The following NKAIN2 variants were observed in gnomAD, a reference collection of about 807,000 sequenced individuals.
NKAIN2 encodes sodium/potassium transporting ATPase interacting 2.
Under a neutral mutation model 32.6 loss-of-function variants are expected in NKAIN2, and 14 were observed. The observed-to-expected ratio is 0.43, with a 90% CI of 0.28 to 0.67. NKAIN2 has a LOEUF of 0.67. Among genes scored for constraint, NKAIN2 ranks in the 30% least tolerant of loss-of-function variants. The pLI, the probability that NKAIN2 is intolerant of heterozygous loss-of-function variation, is 0.17. For synonymous variants in NKAIN2, 80 were observed against 87.2 expected (o/e 0.92, Z 0.46); for missense variants, 198 against 258.3 (o/e 0.77, Z 1.60).
intron 2 of NKAIN2, among the ~76,000 whole-genome samples, chr6:124,290,075 A>G (rs1795732144): frequency 6.6e-6 from 1 of 152,158 alleles, no homozygotes; most frequent in African/African-American, 2.4e-5. Flanking sequence ...CATCATTACA[A>G]GTTTAATGGA....
chr6:124,305,774 G>C (rs1002942691), intron 2 of NKAIN2, among the ~76,000 whole-genome samples: 9 of 151,968 alleles, frequency 5.9e-5, no homozygotes, highest in Non-Finnish European at 7.4e-5. Context: ...ACTTATTTCT[G>C]GTCCATTTGG....
intron 3 of NKAIN2, among the ~76,000 whole-genome samples, chr6:124,544,866 C>A (rs536708979): frequency 5.3e-5 from 8 of 152,078 alleles, no homozygotes; most frequent in Admixed American, 5.2e-4. Context: ...TAGAACTTCC[C>A]CGGAAAATTT....
At chr6:124,011,065 G>A (rs141052442) in intron 1 of NKAIN2, among the ~76,000 whole-genome samples, 167 of 152,140 alleles carry the variant, frequency 1.1e-3, no homozygotes, top group African/African-American at 3.8e-3. Flanking sequence ...CTGCTCATAA[G>A]ATTCTATAGA....
chr6:124,388,440 T>C (rs1773005911), intron 3 of NKAIN2, among the ~76,000 whole-genome samples: 1 of 150,820 alleles, frequency 6.6e-6, no homozygotes, highest in Non-Finnish European at 1.5e-5. Context: ...GGACTGGTAA[T>C]GCTGATGCTG....
In NKAIN2 at chr6:124,143,318, G is replaced by A. The variant is rs183379869; in HGVS notation, c.55-139687G>A. ...ACAGAAAAATTTTAACAAGTGGCAA[G>A]GCATAGTGTGCACACACCTGTGGTC... On this transcript the variant is annotated intron_variant, in intron 1 of 6. Coordinates refer to ENST00000368417, the MANE Select transcript of NKAIN2 (RefSeq NM_001040214.3). Among the ~76,000 whole-genome samples the A allele has an allele frequency of 5.1e-3, 770 of 152,216 alleles. 2 individuals carry two copies. The highest frequency in any genetic ancestry group is 0.018 in the African/African-American group (741 of 41,518).
intron 1 of NKAIN2, among the ~76,000 whole-genome samples, chr6:123,836,569 C>T (rs1191904229): frequency 6.6e-6 from 1 of 151,738 alleles, no homozygotes. Context: ...GATGAGGAAC[C>T]GTCACAATTT....
chr6:123,961,272 G>C (rs978982414), intron 1 of NKAIN2, among the ~76,000 whole-genome samples: 30 of 152,164 alleles, frequency 2.0e-4, no homozygotes, highest in African/African-American at 7.2e-4. Flanking sequence ...CCCTAAAACT[G>C]TACCTAAAGC....
chr6:124,738,071 T>A (rs901648903), intron 4 of NKAIN2, among the ~76,000 whole-genome samples: 2 of 151,914 alleles, frequency 1.3e-5, no homozygotes, highest in Admixed American at 6.6e-5. Flanking sequence ...GAGCCAATGT[T>A]AATCACCCAA....
At chr6:124,763,263 T>C (rs1199527934) in intron 4 of NKAIN2, among the ~76,000 whole-genome samples, 1 of 152,218 alleles carries the variant, frequency 6.6e-6, no homozygotes, top group Non-Finnish European at 1.5e-5. Flanking sequence ...CTTGCACTGC[T>C]ATAAAGAAAT....
Position 124,726,585 on chromosome 6 carries a change from G to C in NKAIN2, c.475-64754G>C, listed in dbSNP as rs554934295. Among the ~76,000 whole-genome samples the C allele has an allele frequency of 6.7e-4, 100 of 149,238 alleles. 1 individual carries two copies. In the East Asian group the frequency reaches 0.01, roughly 15 times the overall value. On this transcript the variant is annotated intron_variant, in intron 4 of 6. Transcript: ENST00000368417. ...TCACCATCATCAAAGACCAAAAGTA[G>C]ATAAAACCACAAAGATGGGGAAAAA... is the stretch of plus-strand genomic sequence containing the variant.
At chr6:124,399,068 A>G (rs892595679) in intron 3 of NKAIN2, among the ~76,000 whole-genome samples, 6 of 152,014 alleles carry the variant, frequency 3.9e-5, no homozygotes, top group African/African-American at 7.3e-5. Context: ...CTGGGATTAC[A>G]GGCACGCACC....
At chr6:124,743,014 G>A (rs1241570757) in intron 4 of NKAIN2, among the ~76,000 whole-genome samples, 2 of 151,888 alleles carry the variant, frequency 1.3e-5, no homozygotes, top group Admixed American at 6.6e-5. Context: ...CTCTTTCACT[G>A]CTCCATGATC....
chr6:124,236,734 G>A (rs747132736), intron 1 of NKAIN2, among the ~76,000 whole-genome samples: 2 of 151,986 alleles, frequency 1.3e-5, no homozygotes, highest in Admixed American at 6.6e-5. Flanking sequence ...AAGGCAACTC[G>A]GATGGTGGTA....
At chr6:124,431,614 T>C (rs1026570363) in intron 3 of NKAIN2, among the ~76,000 whole-genome samples, 3 of 152,184 alleles carry the variant, frequency 2.0e-5, no homozygotes, top group Non-Finnish European at 4.4e-5. Context: ...AGCCAATTTT[T>C]CCTCCTTGGG....
At position 124,823,998 on chromosome 6, in the gene NKAIN2, G is replaced by T. The variant is rs1781496276; in HGVS notation, c.*769G>T. The T allele has an allele frequency of 6.6e-6, 1 of 152,166 alleles. No individual in the cohort carries two copies. Among genetic ancestry groups the T allele is most frequent in the South Asian group, 2.1e-4 (1 of 4,832 alleles). The allele number at this position is 152,166 out of a possible 1,614,324, so 9.4% of individuals were successfully genotyped here. A position where few individuals can be genotyped will look rare whatever the true frequency, so the allele number is the denominator to read the frequency against. On this transcript the variant is annotated 3_prime_UTR_variant, in exon 7 of 7. Transcript: ENST00000368417. ...AAGTGCTTTACCATAGAGCCTCCAT[G>T]GTGGCCCAAAAGAGACAAGTAACAA...
At chr6:123,911,197 C>G (rs150481180) in intron 1 of NKAIN2, among the ~76,000 whole-genome samples, 2 of 152,074 alleles carry the variant, frequency 1.3e-5, no homozygotes, top group Non-Finnish European at 2.9e-5. Context: ...CTAATTCTGT[C>G]TCAGTCAGTT....
intron 1 of NKAIN2, among the ~76,000 whole-genome samples, chr6:124,197,047 T>C (rs1306075949): frequency 6.6e-6 from 1 of 151,606 alleles, no homozygotes; most frequent in African/African-American, 2.4e-5. Flanking sequence ...AGTATGCTTA[T>C]TGGTATCATA....
intron 1 of NKAIN2, among the ~76,000 whole-genome samples, chr6:124,277,164 G>T (rs1351495450): frequency 1.3e-5 from 2 of 152,062 alleles, no homozygotes; most frequent in Non-Finnish European, 2.9e-5. Flanking sequence ...TCTCTGTGGG[G>T]CAGGAAACAA....
intron 4 of NKAIN2, among the ~76,000 whole-genome samples, chr6:124,702,752 GC>G (rs1263578194): frequency 1.3e-5 from 2 of 152,008 alleles, no homozygotes; most frequent in Non-Finnish European, 2.9e-5. Context: ...CAGCACAAAT[GC>G]CCTGACATCG....
Sources: allele counts gnomAD v4.1 joint callset (sites outside exome capture counted in the v4.1 genomes callset), GRCh38; gene constraint gnomAD v4.1.1; transcripts MANE v1.5; gene names NCBI Gene and HGNC (gene_info 2026-07-23, HGNC 2026-07-21).